CLIC4: variants seen among roughly 807,000 people sequenced by gnomAD.
The protein encoded by CLIC4 is CLIC family member 4.
A neutral mutation model predicts 24.6 loss-of-function variants in CLIC4; 13 were observed. That is an observed-to-expected ratio of 0.53 (90% CI 0.34 to 0.84). The LOEUF is 0.84. Ranked by LOEUF, CLIC4 falls within the 40% of genes least tolerant of loss-of-function variation. The pLI, the probability that CLIC4 is intolerant of heterozygous loss-of-function variation, is 0.01. For missense variants in CLIC4, 227 were observed against 301.7 expected (o/e 0.75, Z 1.83); for synonymous variants, 104 against 111.3 (o/e 0.93, Z 0.41).
In CLIC4 at chr1:24,807,044, C is replaced by T. The variant is rs570714771; in HGVS notation, c.183-7050C>T. ...CGGGTGCAGTGGCGTGCTCTCTAGT[C>T]CCAGCTACTTGCAGCTGAGGATCAT... On this transcript the variant is annotated intron_variant, in intron 2 of 5. Coordinates refer to ENST00000374379, the MANE Select transcript of CLIC4 (RefSeq NM_013943.3). 2.6e-5 allele frequency among the ~76,000 whole-genome samples: 4 copies of T among 152,014 alleles called. No individual in the cohort carries two copies. In the South Asian group the frequency reaches 6.2e-4, roughly 24 times the overall value.
At chr1:24,772,381 T>A (rs1639080452) in intron 1 of CLIC4, among the ~76,000 whole-genome samples, 1 of 152,226 alleles carries the variant, frequency 6.6e-6, no homozygotes, top group Admixed American at 6.5e-5. Flanking sequence ...CTTCAGATAT[T>A]TGAAGTTTTA....
chr1:24,806,522 A>G (rs1348725871), intron 2 of CLIC4, among the ~76,000 whole-genome samples: 1 of 152,192 alleles, frequency 6.6e-6, no homozygotes, highest in Non-Finnish European at 1.5e-5. Context: ...AAAAAAATAT[A>G]TATATAGCCT....
chr1:24,775,242 T>TG (rs1639121619), intron 1 of CLIC4, among the ~76,000 whole-genome samples: 1 of 148,438 alleles, frequency 6.7e-6, no homozygotes, highest in Non-Finnish European at 1.5e-5. Context: ...TTTTTTTTTT[T>TG]TTGCTTTTCA....
chr1:24,804,116 A>G (rs1483928559), intron 2 of CLIC4, among the ~76,000 whole-genome samples: 1 of 152,058 alleles, frequency 6.6e-6, no homozygotes, highest in Admixed American at 6.6e-5. Flanking sequence ...TTCAACTTCC[A>G]TGATCTTCAG....
chr1:24,838,709 A>G (rs1444623055), intron 4 of CLIC4, among the ~76,000 whole-genome samples: 2 of 152,166 alleles, frequency 1.3e-5, no homozygotes, highest in African/African-American at 4.8e-5. Flanking sequence ...AAAGGATAAG[A>G]AAGGATAATA....
At chr1:24,785,010 A>AC (rs1639249677) in intron 1 of CLIC4, among the ~76,000 whole-genome samples, 1 of 151,386 alleles carries the variant, frequency 6.6e-6, no homozygotes, top group South Asian at 2.1e-4. Flanking sequence ...TCTCAAAAAA[A>AC]AAAAAAAAGA....
chr1:24,770,986 C>T (rs1198643597), intron 1 of CLIC4, among the ~76,000 whole-genome samples: 4 of 152,078 alleles, frequency 2.6e-5, no homozygotes, highest in Non-Finnish European at 5.9e-5. Context: ...CAGCACATGT[C>T]CTTCTCAAAT....
intron 1 of CLIC4, among the ~76,000 whole-genome samples, chr1:24,785,098 T>A (rs1571242017): frequency 6.6e-6 from 1 of 150,590 alleles, no homozygotes; most frequent in African/African-American, 2.4e-5. Flanking sequence ...TTTTTTTTTT[T>A]AAAGCATCGG....
intron 3 of CLIC4, among the ~76,000 whole-genome samples, chr1:24,822,007 A>G (rs953816731): frequency 2.0e-5 from 3 of 152,216 alleles, no homozygotes; most frequent in Admixed American, 1.3e-4. Context: ...ATCCTCACAA[A>G]GACTTTGTGA....
intron 1 of CLIC4, among the ~76,000 whole-genome samples, chr1:24,758,448 A>G (rs962211435): frequency 6.6e-6 from 1 of 150,980 alleles, no homozygotes; most frequent in Admixed American, 6.6e-5. Context: ...GGCGCCTGCC[A>G]CCACACCCAG....
intron 1 of CLIC4, among the ~76,000 whole-genome samples, chr1:24,758,509 G>A (rs910237796): frequency 6.6e-6 from 1 of 151,784 alleles, no homozygotes; most frequent in African/African-American, 2.4e-5. Flanking sequence ...CCAGGCTGGG[G>A]TGCACTGGTG....
intron 4 of CLIC4, among the ~76,000 whole-genome samples, chr1:24,837,698 A>G (rs1254454088): frequency 6.6e-6 from 1 of 152,198 alleles, no homozygotes; most frequent in Non-Finnish European, 1.5e-5. Context: ...TGGGTTTCTC[A>G]GGAATGGAAG....
intron 2 of CLIC4, among the ~76,000 whole-genome samples, chr1:24,802,174 A>C (rs1284605634): frequency 1.3e-5 from 2 of 152,244 alleles, no homozygotes; most frequent in East Asian, 3.8e-4. Context: ...TAATTGTGAT[A>C]CATACCAGTA....
chr1:24,753,146 A>G (rs1350611375), intron 1 of CLIC4, among the ~76,000 whole-genome samples: 1 of 152,216 alleles, frequency 6.6e-6, no homozygotes, highest in Non-Finnish European at 1.5e-5. Flanking sequence ...ACCAAGGCTA[A>G]GAACCACTGT....
At position 24,844,073 on chromosome 1, in the gene CLIC4, A is replaced by G. The variant is rs1639969262; in HGVS notation, c.*3136A>G. On this transcript the variant is annotated 3_prime_UTR_variant, in exon 6 of 6. Transcript: ENST00000374379. ...TCAAGGTTTGGGCCACACAAAGTAT[A>G]TTTTTATCATGGAAAAATTTCAACT... 1 of 152,544 alleles carries G rather than the reference A, an allele frequency of 6.6e-6. No homozygotes were observed. The highest frequency in any genetic ancestry group is 1.5e-5 in the Non-Finnish European group (1 of 67,986). The allele number at this position is 152,544 out of a possible 1,614,324, so 9.4% of individuals were successfully genotyped here.
intron 1 of CLIC4, among the ~76,000 whole-genome samples, chr1:24,765,607 T>A (rs1476967114): frequency 6.6e-6 from 1 of 152,204 alleles, no homozygotes; most frequent in Non-Finnish European, 1.5e-5. Context: ...CCATTAAGAT[T>A]AGGAGTGTTG....
chr1:24,771,917 A>G, intron 1 of CLIC4: 1 of 504,014 alleles, frequency 2.0e-6, no homozygotes, highest in Non-Finnish European at 4.0e-6. Flanking sequence ...GGTGATGTTC[A>G]GTCCAGTTTG....
intron 1 of CLIC4, among the ~76,000 whole-genome samples, chr1:24,784,512 A>G (rs1294512734): frequency 6.6e-6 from 1 of 152,196 alleles, no homozygotes; most frequent in Admixed American, 6.5e-5. Flanking sequence ...AATAAGGTAA[A>G]TGTGAGTGAA....
At chr1:24,825,681 TC>T (rs1420481952) in intron 3 of CLIC4, among the ~76,000 whole-genome samples, 3 of 152,348 alleles carry the variant, frequency 2.0e-5, no homozygotes, top group Non-Finnish European at 2.9e-5. Flanking sequence ...TTTTATATCT[TC>T]CTTACCAATA....
Sources: allele counts gnomAD v4.1 joint callset (sites outside exome capture counted in the v4.1 genomes callset), GRCh38; gene constraint gnomAD v4.1.1; transcripts MANE v1.5; gene names NCBI Gene and HGNC (gene_info 2026-07-23, HGNC 2026-07-21).